The following EIF2AK2 variants were observed in gnomAD, a reference collection of about 807,000 sequenced individuals.
EIF2AK2 encodes the protein eukaryotic translation initiation factor 2 alpha kinase 2.
A neutral mutation model predicts 70.5 loss-of-function variants in EIF2AK2; 40 were observed. The ratio of observed to expected loss-of-function variants is 0.57; its 90% CI spans 0.44 to 0.74. EIF2AK2 has a LOEUF of 0.74. EIF2AK2 is among the 30% of genes least tolerant of loss of function. EIF2AK2 has a pLI of 0.00. For synonymous variants in EIF2AK2, 198 were observed against 220.9 expected (o/e 0.90, Z 0.92); for missense variants, 555 against 644.3 (o/e 0.86, Z 1.50).
intron 5 of EIF2AK2, among the ~76,000 whole-genome samples, chr2:37,140,558 G>A (rs4648182): frequency 0.076 from 11,496 of 151,934 alleles, 823 homozygotes; most frequent in African/African-American, 0.19. Context: ...GCTGGGTTGA[G>A]TGACTGGATC....
intron 1 of EIF2AK2, among the ~76,000 whole-genome samples, chr2:37,153,649 A>C (rs1675822469): frequency 1.3e-5 from 2 of 152,182 alleles, no homozygotes; most frequent in African/African-American, 4.8e-5. Flanking sequence ...ATGTTGTAGC[A>C]TATGTCAGAA....
At chr2:37,153,660 T>C (rs1396320542) in intron 1 of EIF2AK2, among the ~76,000 whole-genome samples, 1 of 152,210 alleles carries the variant, frequency 6.6e-6, no homozygotes, top group African/African-American at 2.4e-5. Context: ...TATGTCAGAA[T>C]TCCTTTCCTT....
At chr2:37,132,377 G>C (rs1326589820) in intron 10 of EIF2AK2, among the ~76,000 whole-genome samples, 1 of 152,110 alleles carries the variant, frequency 6.6e-6, no homozygotes, top group South Asian at 2.1e-4. Flanking sequence ...GGATCACGAG[G>C]TCAGGAGTTT....
chr2:37,108,399 C>T (rs1428638412), intron 15 of EIF2AK2, among the ~76,000 whole-genome samples: 1 of 152,152 alleles, frequency 6.6e-6, no homozygotes, highest in Non-Finnish European at 1.5e-5. Flanking sequence ...TAGAAGCCAA[C>T]AGATCCTTCA....
chr2:37,147,618 C>T (rs1050292916), intron 3 of EIF2AK2, 70 bp downstream of exon 3: 6 of 1,010,266 alleles, frequency 5.9e-6, no homozygotes, highest in Non-Finnish European at 9.0e-6. Flanking sequence ...CCAGCTTCAT[C>T]CATGTCCCTA....
intron 4 of EIF2AK2, among the ~76,000 whole-genome samples, chr2:37,145,398 C>T (rs946513444): frequency 1.3e-5 from 2 of 152,138 alleles, no homozygotes; most frequent in African/African-American, 4.8e-5. Flanking sequence ...CTGCCTTGGC[C>T]TCCCAAAGTG....
chr2:37,134,320 C>G (rs905838235), intron 10 of EIF2AK2, among the ~76,000 whole-genome samples: 4 of 152,206 alleles, frequency 2.6e-5, no homozygotes, highest in Non-Finnish European at 5.9e-5. Context: ...TACAACAAGC[C>G]TCACTTTGCT....
chr2:37,120,074 A>G lies in EIF2AK2; in HGVS notation c.1133T>C (p.Ile378Thr). Residue 378 changes from isoleucine to threonine, a missense_variant, in exon 13 of 17, where the codon ATT becomes ACT. Coordinates refer to ENST00000233057, the MANE Select transcript of EIF2AK2 (RefSeq NM_001135651.3). ...FCDKGTLEQW[I>T]EKRRGEKLDK... ...TAGTTTCTCGCCTCTTCTTTTTTCA[A>G]TCCATTGTTCCAAGGTCCCTTTATC... The G allele has an allele frequency of 6.5e-7, 1 of 1,536,778 alleles. No individual in the cohort carries two copies. Among genetic ancestry groups the G allele is most frequent in the Non-Finnish European group, 8.8e-7 (1 of 1,137,054 alleles).
intron 4 of EIF2AK2, among the ~76,000 whole-genome samples, chr2:37,143,453 G>A (rs990321785): frequency 1.3e-5 from 2 of 152,012 alleles, no homozygotes; most frequent in African/African-American, 2.4e-5. Flanking sequence ...CACTTGGCTC[G>A]CTATATCCAC....
intron 14 of EIF2AK2, among the ~76,000 whole-genome samples, chr2:37,109,860 C>T (rs998640811): frequency 2.6e-5 from 4 of 152,182 alleles, no homozygotes; most frequent in Admixed American, 6.5e-5. Flanking sequence ...AGGTCAAAAA[C>T]GGGAAGAACT....
At chr2:37,118,034 G>A (rs116781661) in intron 13 of EIF2AK2, among the ~76,000 whole-genome samples, 1,787 of 152,248 alleles carry the variant, frequency 0.012, 37 homozygotes, top group African/African-American at 0.041. Context: ...GAGGCCGGGT[G>A]CAGTGGAGCA....
At chr2:37,133,104 T>A (rs1044803679) in intron 10 of EIF2AK2, among the ~76,000 whole-genome samples, 1 of 152,018 alleles carries the variant, frequency 6.6e-6, no homozygotes, top group Non-Finnish European at 1.5e-5. Context: ...TCAACCCCAG[T>A]CTTCAGGAAA....
Position 37,105,306 on chromosome 2 carries a change from G to A in EIF2AK2, c.*1967C>T, listed in dbSNP as rs1673926656. Reference sequence around the variant, plus strand: ...GCCTGATGGGAGGTGTTTGGGTCATGGGGGAAGACCCCTCATGAATACATT... The same window carrying A: ...GCCTGATGGGAGGTGTTTGGGTCATAGGGGAAGACCCCTCATGAATACATT... On this transcript the variant is annotated 3_prime_UTR_variant, in exon 17 of 17. Transcript: ENST00000233057. 6.6e-6 allele frequency: 1 copy of A among 152,122 alleles called. No individual in the cohort carries two copies. The highest frequency in any genetic ancestry group is 2.4e-5 in the African/African-American group (1 of 41,426). The allele number at this position is 152,122 out of a possible 1,614,324, so 9.4% of individuals were successfully genotyped here.
rs944236192 is a variant in EIF2AK2, at chr2:37,103,200, C to CT, written c.*4072dup. On this transcript the variant is annotated 3_prime_UTR_variant, in exon 17 of 17. Transcript: ENST00000233057. The stretch of plus-strand genomic sequence containing the variant: ...TAGGAATATATATATCTTTTTTTTT[C>CT]TTTTTTTTTTTTGAGACTGAGTTTT... 122 of 142,124 alleles carry CT rather than the reference C, an allele frequency of 8.6e-4. No homozygotes were observed. The highest frequency in any genetic ancestry group is 1.2e-3 in the East Asian group (6 of 4,922). The allele number at this position is 142,124 out of a possible 1,614,324, so 8.8% of individuals were successfully genotyped here. A position where few individuals can be genotyped will look rare whatever the true frequency, so the allele number is the denominator to read the frequency against.
At chr2:37,109,331 T>C in intron 14 of EIF2AK2, 36 bp from the exon 15 acceptor site, 1 of 1,576,332 alleles carries the variant, frequency 6.3e-7, no homozygotes, top group Non-Finnish European at 8.7e-7. Context: ...TTTGTTATGC[T>C]CCTTACATAA....
Position 37,107,042 on chromosome 2 carries a change from T to TAA in EIF2AK2, c.*229_*230dup, listed in dbSNP as rs34203821. On this transcript the variant is annotated 3_prime_UTR_variant, in exon 17 of 17. Transcript: ENST00000233057. ...GGGCAACAGAGCGAGACTCTGTCTT[T>TAA]AAAAAAAAAAAAAGAATAAAGAGAT... 9,617 of 306,822 alleles carry TAA rather than the reference T, an allele frequency of 0.031. No homozygotes were observed. Among genetic ancestry groups the TAA allele is most frequent in the Middle Eastern group, 0.045 (39 of 872 alleles). 19.0% of individuals were successfully genotyped at this position (306,822 alleles called of 1,614,324 possible).
At position 37,120,005 on chromosome 2, in the gene EIF2AK2, C is replaced by A; in HGVS notation, c.1202G>T (p.Gly401Val). ...ALELFEQITK[G>V]VDYIHSKKLI... is the part of the protein sequence containing the mutation. ...TTTTTTTGAATGTATATAATCCACC[C>A]CTTTTGTTATTTGTTCAAAGAGTTC... The change falls in exon 13 of 17, where the codon GGG becomes GTG. Residue 401 changes from glycine to valine, a missense_variant. Transcript: ENST00000233057. The A allele has an allele frequency of 6.5e-7, 1 of 1,531,806 alleles. No individual in the cohort carries two copies. The highest frequency in any genetic ancestry group is 1.3e-5 in the South Asian group (1 of 77,186). The allele number at this position is 1,531,806 out of a possible 1,614,324, so 94.9% of individuals were successfully genotyped here. A position where few individuals can be genotyped will look rare whatever the true frequency, so the allele number is the denominator to read the frequency against.
At chr2:37,118,637 T>A (rs969298817) in intron 13 of EIF2AK2, among the ~76,000 whole-genome samples, 3 of 152,258 alleles carry the variant, frequency 2.0e-5, no homozygotes, top group African/African-American at 7.2e-5. Flanking sequence ...ACTCTACATT[T>A]ATCCTTTTGA....
intron 1 of EIF2AK2, 124 bp from the exon 2 acceptor site, chr2:37,149,147 C>T (rs1169693203): frequency 3.3e-5 from 31 of 950,912 alleles, no homozygotes; most frequent in Non-Finnish European, 4.9e-5. Flanking sequence ...GGATGGACCT[C>T]GATGCCTCGA....
Sources: allele counts gnomAD v4.1 joint callset (sites outside exome capture counted in the v4.1 genomes callset), GRCh38; gene constraint gnomAD v4.1.1; transcripts MANE v1.5; gene names NCBI Gene and HGNC (gene_info 2026-07-23, HGNC 2026-07-21).